Variants in HSD17B12 observed in about 807,000 individuals in gnomAD.
HSD17B12 encodes very-long-chain 3-oxoacyl-CoA reductase.
A neutral mutation model predicts 39.3 loss-of-function variants in HSD17B12; 32 were observed. That is an observed-to-expected ratio of 0.81 (90% CI 0.61 to 1.09). HSD17B12 has a LOEUF of 1.09. Among genes scored for constraint, HSD17B12 ranks in the 50% least tolerant of loss-of-function variants. HSD17B12 has a pLI of 0.00. For synonymous variants in HSD17B12, 150 were observed against 146.7 expected (o/e 1.02, Z -0.16); for missense variants, 342 against 382.9 (o/e 0.89, Z 0.89).
At chr11:43,629,048 A>G in the HSD17B12 span, among the ~76,000 whole-genome samples, 2 of 152,118 alleles carry the variant, frequency 1.3e-5, no homozygotes, top group Non-Finnish European at 2.9e-5. Flanking sequence ...TACTTGGCCA[A>G]ACATGATCCC....
At chr11:43,583,809 G>T in the HSD17B12 span, among the ~76,000 whole-genome samples, 1 of 152,114 alleles carries the variant, frequency 6.6e-6, no homozygotes, top group African/African-American at 2.4e-5. Context: ...ACCTCTGGAG[G>T]CCCTATAGGA....
the HSD17B12 span, among the ~76,000 whole-genome samples, chr11:43,623,396 GT>G: frequency 2.4e-3 from 336 of 138,888 alleles, 2 homozygotes; most frequent in East Asian, 3.2e-3. Context: ...TGTTTTTTTT[GT>G]TTTTTTTTTC....
the HSD17B12 span, among the ~76,000 whole-genome samples, chr11:43,619,183 AAT>A: frequency 0.012 from 870 of 75,534 alleles, 7 homozygotes; most frequent in Non-Finnish European, 0.02. Flanking sequence ...ATATATATAA[AAT>A]ATATATATAT....
intron 4 of HSD17B12, among the ~76,000 whole-genome samples, chr11:43,809,311 A>C (rs1253333330): frequency 1.3e-5 from 2 of 152,216 alleles, no homozygotes; most frequent in Non-Finnish European, 1.5e-5. Context: ...TCAAAGGACA[A>C]TGAGGCAATC....
the HSD17B12 span, chr11:43,670,427 C>T: frequency 7.2e-5 from 11 of 152,160 alleles, no homozygotes; most frequent in East Asian, 3.9e-4. Flanking sequence ...AGCAGTAGAA[C>T]GATATACAAC....
intron 3 of HSD17B12, among the ~76,000 whole-genome samples, chr11:43,792,334 G>C (rs918847068): frequency 1.3e-5 from 2 of 152,100 alleles, no homozygotes; most frequent in Non-Finnish European, 2.9e-5. Flanking sequence ...AAATGGAGAG[G>C]TTTTTTAAAA....
At chr11:43,775,272 CAG>C (rs1472878680) in intron 3 of HSD17B12, among the ~76,000 whole-genome samples, 2 of 151,522 alleles carry the variant, frequency 1.3e-5, no homozygotes, top group African/African-American at 4.9e-5. Context: ...ATTACAGAAA[CAG>C]AGAGATAATA....
At chr11:43,573,876 CTT>C in the HSD17B12 span, among the ~76,000 whole-genome samples, 1 of 152,166 alleles carries the variant, frequency 6.6e-6, no homozygotes, top group Non-Finnish European at 1.5e-5. Context: ...TCCAAGGAGA[CTT>C]TATTGAAACA....
At chr11:43,723,238 G>A (rs1300307154) in intron 1 of HSD17B12, among the ~76,000 whole-genome samples, 1 of 152,152 alleles carries the variant, frequency 6.6e-6, no homozygotes. Context: ...TGAATAAGGT[G>A]AATGGATTTG....
the HSD17B12 span, among the ~76,000 whole-genome samples, chr11:43,629,224 T>C: frequency 6.6e-6 from 1 of 152,212 alleles, no homozygotes; most frequent in African/African-American, 2.4e-5. Flanking sequence ...TAACGGCTGA[T>C]TCTGGCAAAC....
chr11:43,695,738 T>C lies in HSD17B12; in HGVS notation c.160+14751T>C, dbSNP rs181799499. 1.1e-3 allele frequency among the ~76,000 whole-genome samples: 164 copies of C among 152,240 alleles called. 2 individuals are homozygous for C. Among genetic ancestry groups the C allele is most frequent in the Admixed American group, 9.5e-3 (145 of 15,282 alleles). On this transcript the variant is annotated intron_variant, in intron 1 of 10. Coordinates refer to ENST00000278353, the MANE Select transcript of HSD17B12 (RefSeq NM_016142.3). ...GAGGAAGGAGGAAAATGGGCTTAGG[T>C]TCTACCAGAAGAAATTTAGATTTTA...
the HSD17B12 span, among the ~76,000 whole-genome samples, chr11:43,566,678 C>A: frequency 2.0e-5 from 3 of 152,134 alleles, no homozygotes; most frequent in Non-Finnish European, 4.4e-5. Flanking sequence ...TACAGGCGCA[C>A]ACCGCCACGC....
At chr11:43,824,821 C>T (rs1241636733) in intron 6 of HSD17B12, among the ~76,000 whole-genome samples, 1 of 152,162 alleles carries the variant, frequency 6.6e-6, no homozygotes, top group Non-Finnish European at 1.5e-5. Flanking sequence ...CATAGTGAAA[C>T]CCCATCTCTA....
At chr11:43,693,514 C>T (rs1054986181) in intron 1 of HSD17B12, among the ~76,000 whole-genome samples, 2 of 152,172 alleles carry the variant, frequency 1.3e-5, no homozygotes, top group African/African-American at 4.8e-5. Flanking sequence ...GGCACTTGTT[C>T]ATTGTATATA....
chr11:43,685,250 T>G (rs965988083), intron 1 of HSD17B12, among the ~76,000 whole-genome samples: 3 of 116,438 alleles, frequency 2.6e-5, no homozygotes, highest in Non-Finnish European at 5.7e-5. Context: ...TGGAATGGTG[T>G]GGTTCTCCTC....
chr11:43,590,598 A>G, the HSD17B12 span, among the ~76,000 whole-genome samples: 1 of 134,348 alleles, frequency 7.4e-6, no homozygotes, highest in Non-Finnish European at 1.5e-5. Context: ...TCTGCCTCCC[A>G]GGTTCAAGCA....
At chr11:43,839,356 T>G (rs547594543) in intron 8 of HSD17B12, among the ~76,000 whole-genome samples, 1 of 152,160 alleles carries the variant, frequency 6.6e-6, no homozygotes, top group East Asian at 1.9e-4. Flanking sequence ...GAACTTCAAC[T>G]TATCTGTTCT....
At chr11:43,842,608 C>G (rs890501239) in intron 9 of HSD17B12, among the ~76,000 whole-genome samples, 3 of 152,130 alleles carry the variant, frequency 2.0e-5, no homozygotes, top group Non-Finnish European at 4.4e-5. Context: ...ATTTTAGTAA[C>G]AAGGACACCA....
chr11:43,849,550 GC>G (rs745764692), intron 9 of HSD17B12, among the ~76,000 whole-genome samples: 24 of 152,156 alleles, frequency 1.6e-4, no homozygotes, highest in Non-Finnish European at 2.5e-4. Flanking sequence ...AGTCTCAAAG[GC>G]TCTTCACCCA....
Sources: gnomAD v4.1 joint callset for allele counts (sites outside exome capture counted in the v4.1 genomes callset) on GRCh38, gnomAD v4.1.1 for gene constraint, MANE v1.5 for transcripts, NCBI Gene and HGNC (gene_info 2026-07-23, HGNC 2026-07-21) for gene names.